The following PMFBP1 variants were observed in gnomAD, a reference collection of about 807,000 sequenced individuals.
The protein encoded by PMFBP1 is polyamine-modulated factor 1-binding protein 1.
In PMFBP1, 131 loss-of-function variants were observed where a neutral mutation model predicts 137.8. The ratio of observed to expected loss-of-function variants is 0.95; its 90% CI spans 0.82 to 1.10. The LOEUF (loss-of-function observed/expected upper bound fraction) is 1.10. Ranked by LOEUF, PMFBP1 falls within the 50% of genes least tolerant of loss-of-function variation. PMFBP1 has a pLI of 0.00. For missense variants in PMFBP1, 1,199 were observed against 1,175.4 expected (o/e 1.02, Z -0.29); for synonymous variants, 490 against 450.4 (o/e 1.09, Z -1.11).
intron 19 of PMFBP1, among the ~76,000 whole-genome samples, chr16:72,122,630 G>T (rs905102147): frequency 1.3e-5 from 2 of 152,220 alleles, no homozygotes; most frequent in African/African-American, 4.8e-5. Flanking sequence ...TTCAGTGCCT[G>T]TTCCCTGCTT....
chr16:72,177,677 C>T (rs1413656461), upstream of PMFBP1, among the ~76,000 whole-genome samples: 2 of 152,156 alleles, frequency 1.3e-5, no homozygotes, highest in Non-Finnish European at 2.9e-5. Context: ...GACAAAACTG[C>T]ATACTTTGTT....
chr16:72,119,784 T>C (rs971808726), intron 20 of PMFBP1, 67 bp downstream of exon 20: 2 of 1,575,270 alleles, frequency 1.3e-6, no homozygotes, highest in African/African-American at 1.4e-5. Context: ...TCTTCCTACT[T>C]GAATTCTCAA....
chr16:72,219,197 C>T, the PMFBP1 span, among the ~76,000 whole-genome samples: 1 of 152,090 alleles, frequency 6.6e-6, no homozygotes, highest in African/African-American at 2.4e-5. Flanking sequence ...GTGTAGTCAC[C>T]ATGATGTATT....
At chr16:72,249,747 T>C in the PMFBP1 span, among the ~76,000 whole-genome samples, 1 of 149,508 alleles carries the variant, frequency 6.7e-6, no homozygotes, top group Non-Finnish European at 1.5e-5. Flanking sequence ...AAACCCCGTC[T>C]CTACTAAAAA....
At chr16:72,226,760 G>A in the PMFBP1 span, among the ~76,000 whole-genome samples, 4 of 152,224 alleles carry the variant, frequency 2.6e-5, no homozygotes, top group African/African-American at 9.6e-5. Context: ...CAATATTCTA[G>A]AGATTCGCAA....
At position 72,154,442 on chromosome 16, in the gene PMFBP1, C is replaced by T; in HGVS notation, c.183G>A (p.Gln61=). ...CCTCTGACTCCTCGAATGCTAATGC[C>T]TGTGCTTGCTTCTTGTCCTACCATA... is the stretch of plus-strand genomic sequence containing the variant. The part of the protein sequence containing the change: ...MNSSHDKKQA[Q]ALAFEESEVE... Residue 61 remains glutamine, a synonymous_variant, in exon 4 of 21, where the codon CAG becomes CAA. Transcript: ENST00000237353. The T allele has an allele frequency of 1.2e-6, 2 of 1,613,978 alleles. No homozygotes were observed. The highest frequency in any genetic ancestry group is 8.5e-7 in the Non-Finnish European group (1 of 1,179,878).
intron 5 of PMFBP1, among the ~76,000 whole-genome samples, chr16:72,148,999 G>C (rs995762016): frequency 6.6e-6 from 1 of 152,190 alleles, no homozygotes; most frequent in Non-Finnish European, 1.5e-5. Context: ...AGCTCTGTGG[G>C]GTTGGCTGAG....
At chr16:72,215,490 T>C in the PMFBP1 span, among the ~76,000 whole-genome samples, 1 of 152,156 alleles carries the variant, frequency 6.6e-6, no homozygotes, top group Non-Finnish European at 1.5e-5. Flanking sequence ...GGAAAATAAT[T>C]GACAACCCTG....
rs1022985050 is a variant in PMFBP1, at chr16:72,147,785, G to A, written c.636+2823C>T. ...ATATGAAAAAAAGCTCATCATCACC[G>A]GTCATTAGAGAAGTGCAAGTCAAAA... On this transcript the variant is annotated intron_variant, in intron 5 of 20. Coordinates refer to ENST00000237353, the MANE Select transcript of PMFBP1 (RefSeq NM_031293.3). Among the ~76,000 whole-genome samples, 24 of 152,254 alleles carry A rather than the reference G, an allele frequency of 1.6e-4. 1 individual carries two copies. The highest frequency in any genetic ancestry group is 6.8e-3 in the Middle Eastern group (2 of 294).
intron 6 of PMFBP1, 110 bp downstream of exon 6, chr16:72,140,302 G>C (rs924038375): frequency 2.6e-6 from 3 of 1,152,256 alleles, no homozygotes; most frequent in African/African-American, 1.5e-5. Context: ...TCAGACATTT[G>C]AGGATTCTCG....
intron 4 of PMFBP1, among the ~76,000 whole-genome samples, chr16:72,152,889 C>T (rs949140424): frequency 6.6e-6 from 1 of 150,776 alleles, no homozygotes; most frequent in Non-Finnish European, 1.5e-5. Context: ...GCTGAAGCTC[C>T]AGCAGGCACC....
At chr16:72,237,366 C>T in the PMFBP1 span, among the ~76,000 whole-genome samples, 4 of 152,050 alleles carry the variant, frequency 2.6e-5, no homozygotes, top group Admixed American at 1.3e-4. Context: ...GAAAAAAATG[C>T]TTTCCACTAG....
At chr16:72,127,718 G>C (rs2042482799) in intron 14 of PMFBP1, among the ~76,000 whole-genome samples, 1 of 152,212 alleles carries the variant, frequency 6.6e-6, no homozygotes, top group East Asian at 1.9e-4. Flanking sequence ...ATTAGGTCTA[G>C]ATGGTTTTAT....
chr16:72,122,731 C>T (rs1223094186), intron 19 of PMFBP1, among the ~76,000 whole-genome samples, 183 bp downstream of exon 19: 1 of 152,162 alleles, frequency 6.6e-6, no homozygotes, highest in Non-Finnish European at 1.5e-5. Flanking sequence ...AACTAAGGCC[C>T]TGAGAGGTCA....
the PMFBP1 span, among the ~76,000 whole-genome samples, chr16:72,200,142 C>G: frequency 6.3e-3 from 953 of 152,354 alleles, 12 homozygotes; most frequent in Admixed American, 0.019. Flanking sequence ...CAAACAGGCT[C>G]ACTCCACTGT....
chr16:72,249,782 G>T, the PMFBP1 span, among the ~76,000 whole-genome samples: 15 of 151,288 alleles, frequency 9.9e-5, no homozygotes, highest in Middle Eastern at 3.4e-3. Flanking sequence ...ATACCTGGGC[G>T]TGGTGGCGGG....
rs2043217087 is a variant in PMFBP1, at chr16:72,171,265, A to C, written c.-57T>G. ...TTTAGTATTTTCTGAGCTTTGTTAT[A>C]AACCTGAAAAAGTCCAAGTATTTAA... is the stretch of plus-strand genomic sequence containing the variant. On this transcript the variant is annotated 5_prime_UTR_variant, in exon 2 of 21. The change creates a premature stop within an existing upstream ORF in the 5' untranslated region. Transcript: ENST00000237353. 6.3e-7 allele frequency: 1 copy of C among 1,583,800 alleles called. No individual in the cohort carries two copies. Among genetic ancestry groups the C allele is most frequent in the Non-Finnish European group, 8.7e-7 (1 of 1,154,806 alleles).
chr16:72,176,351 T>C (rs1311010192), upstream of PMFBP1, among the ~76,000 whole-genome samples: 1 of 152,260 alleles, frequency 6.6e-6, no homozygotes, highest in Non-Finnish European at 1.5e-5. Context: ...AGAGGCTGTT[T>C]GTTGTCTGTT....
the PMFBP1 span, among the ~76,000 whole-genome samples, chr16:72,235,202 T>C: frequency 2.6e-5 from 4 of 152,228 alleles, no homozygotes; most frequent in Admixed American, 2.6e-4. Context: ...CGATTTTGAG[T>C]TAATTTTTGT....
Sources: gnomAD v4.1 joint callset for allele counts (sites outside exome capture counted in the v4.1 genomes callset) on GRCh38, gnomAD v4.1.1 for gene constraint, MANE v1.5 for transcripts, NCBI Gene and HGNC (gene_info 2026-07-23, HGNC 2026-07-21) for gene names.